The following MYL6 variants were observed in gnomAD, a reference collection of about 807,000 sequenced individuals.
MYL6 encodes myosin light chain 6.
A neutral mutation model predicts 20.3 loss-of-function variants in MYL6; 20 were observed. That is an observed-to-expected ratio of 0.98 (90% CI 0.69 to 1.43). The LOEUF (loss-of-function observed/expected upper bound fraction) is 1.43. MYL6 is among the 40% of genes most tolerant of loss of function. The pLI is 0.00. For synonymous variants in MYL6, 77 were observed against 72.4 expected (o/e 1.06, Z -0.32); for missense variants, 164 against 191.0 (o/e 0.86, Z 0.83).
rs1259470797 is a variant in MYL6 at position 56,160,233 on chromosome 12, C to T, written c.350-10C>T. On this transcript the variant is annotated splice_polypyrimidine_tract_variant and intron_variant, in intron 4 of 6. Coordinates refer to ENST00000550697, the MANE Select transcript of MYL6 (RefSeq NM_021019.5). ...ACCCAATTCCAAAAATGCTTTCTTT[C>T]CCCCTGCAGGTGAGAAGATGACAGA... The T allele has an allele frequency of 6.2e-7, 1 of 1,614,064 alleles. No individual in the cohort carries two copies. The highest frequency in any genetic ancestry group is 1.1e-5 in the South Asian group (1 of 91,078).
intron 5 of MYL6, 40 bp from the exon 6 acceptor site, chr12:56,160,586 T>C: frequency 6.2e-7 from 1 of 1,610,924 alleles, no homozygotes; most frequent in Non-Finnish European, 8.5e-7. Flanking sequence ...CCCCATGTCT[T>C]TGTCTTGTCT....
intron 2 of MYL6, chr12:56,159,256 ACTTC>A: frequency 3.2e-6 from 1 of 315,364 alleles, no homozygotes; most frequent in Non-Finnish European, 5.9e-6. Context: ...TGCTGCTCCC[ACTTC>A]CTTATAAGGA....
chr12:56,158,979 G>A (rs943787210), intron 2 of MYL6: 5 of 1,369,644 alleles, frequency 3.7e-6, no homozygotes, highest in Non-Finnish European at 4.7e-6. Flanking sequence ...CCTGCTGTGT[G>A]TGGGGTCTCG....
At position 56,158,735 on chromosome 12, in the gene MYL6, G is replaced by A. The variant is rs369791358; in HGVS notation, c.31+24G>A. 5 of 1,613,340 alleles carry A rather than the reference G, an allele frequency of 3.1e-6. No homozygotes were observed. The African/African-American group carries it at 4.0e-5, about 13-fold the overall frequency. On this transcript the variant is annotated intron_variant, in intron 2 of 6. Transcript: ENST00000550697. ...AGGTAGGTTATCTCTGATCCCTACC[G>A]AGGTCACCCTTAGGGAGAGGGACAC...
At chr12:56,158,869 C>T (rs989460645) in intron 2 of MYL6, 158 bp downstream of exon 2, 15 of 1,470,230 alleles carry the variant, frequency 1.0e-5, no homozygotes, top group African/African-American at 1.4e-5. Flanking sequence ...ATTTTCTTTT[C>T]TCACTTTCTT....
chr12:56,159,288 G>A (rs1324427747), intron 2 of MYL6: 6 of 374,980 alleles, frequency 1.6e-5, no homozygotes, highest in South Asian at 3.5e-5. Context: ...GAGACTGGGC[G>A]GTGGCGAATT....
chr12:56,160,491 G>T, intron 5 of MYL6, 135 bp from the exon 6 acceptor site: 1 of 1,410,376 alleles, frequency 7.1e-7, no homozygotes, highest in South Asian at 1.2e-5. Context: ...GGTATAACAG[G>T]AAAGGAAGGG....
At chr12:56,159,272 A>T in intron 2 of MYL6, 1 of 355,760 alleles carries the variant, frequency 2.8e-6, no homozygotes, top group Non-Finnish European at 5.2e-6. Flanking sequence ...TTATAAGGAC[A>T]GGACTGAGAC....
At chr12:56,160,415 CAA>C in intron 5 of MYL6, 95 bp downstream of exon 5, 2 of 1,554,082 alleles carry the variant, frequency 1.3e-6, no homozygotes, top group Non-Finnish European at 1.8e-6. Flanking sequence ...ACTTGGGCTC[CAA>C]AAAGAGCCAG....
At chr12:56,160,920 ACT>A (rs1053931070) in intron 6 of MYL6, 2 of 586,360 alleles carry the variant, frequency 3.4e-6, no homozygotes, top group African/African-American at 3.8e-5. Context: ...GTGTCTGGGA[ACT>A]CTCACCAGCC....
intron 2 of MYL6, chr12:56,158,988 C>T (rs2136912810): frequency 3.7e-6 from 5 of 1,334,728 alleles, no homozygotes; most frequent in South Asian, 3.5e-5. Context: ...TGTGGGGTCT[C>T]GGGAGGGTGT....
chr12:56,158,667 C>T lies in MYL6; in HGVS notation c.4-17C>T. On this transcript the variant is annotated splice_polypyrimidine_tract_variant and intron_variant, in intron 1 of 6. Transcript: ENST00000550697. Reference sequence around the variant, plus strand: ...ATTGGCGTTCAGATGCTGACCACTTCCCTCTTCTCTGAGCAGTGTGACTTC... The same window carrying T: ...ATTGGCGTTCAGATGCTGACCACTTTCCTCTTCTCTGAGCAGTGTGACTTC... 1 of 1,614,120 alleles carries T rather than the reference C, an allele frequency of 6.2e-7. No homozygotes were observed. Among genetic ancestry groups the T allele is most frequent in the African/African-American group, 1.3e-5 (1 of 75,018 alleles).
In MYL6 at chr12:56,159,030, T is replaced by TC. The variant is rs1565883132; in HGVS notation, c.31+320dup. On this transcript the variant is annotated intron_variant, in intron 2 of 6. Coordinates refer to ENST00000550697, the MANE Select transcript of MYL6 (RefSeq NM_021019.5). The stretch of plus-strand genomic sequence containing the variant: ...CTGCCTGCTTTCCTTTGTCCTTTAA[T>TC]CAGCTACTTCTGCCTCTTTTCTCCT... 5 of 972,148 alleles carry TC rather than the reference T, an allele frequency of 5.1e-6. No individual in the cohort carries two copies. In the South Asian group the frequency reaches 1.0e-4, roughly 20 times the overall value. The allele number at this position is 972,148 out of a possible 1,614,324, so 60.2% of individuals were successfully genotyped here. A position where few individuals can be genotyped will look rare whatever the true frequency, so the allele number is the denominator to read the frequency against.
intron 2 of MYL6, chr12:56,159,161 A>C (rs989407186): frequency 1.3e-5 from 4 of 301,860 alleles, no homozygotes; most frequent in Non-Finnish European, 2.5e-5. Context: ...TTTGCTAAGG[A>C]TATGACTGTA....
At position 56,160,415 on chromosome 12, in the gene MYL6, CA is replaced by C. The variant is rs1871681896; in HGVS notation, c.427+100del. ...TTTCCCTATCCCTGGACTTGGGCTCCAAAAAGAGCCAGGAGGCAAGGTGCAG... is the reference window on the plus strand; with the variant it reads ...TTTCCCTATCCCTGGACTTGGGCTCCAAAAGAGCCAGGAGGCAAGGTGCAG... On this transcript the variant is annotated intron_variant, in intron 5 of 6. Transcript: ENST00000550697. 4.2e-5 allele frequency: 65 copies of C among 1,554,082 alleles called. No homozygotes were observed. In the South Asian group the frequency reaches 6.9e-4, roughly 16 times the overall value.
Position 56,161,495 on chromosome 12 carries a change from T to C in MYL6, c.*125T>C, listed in dbSNP as rs1592263883. The C allele has an allele frequency of 5.2e-6, 8 of 1,528,788 alleles. No homozygotes were observed. The East Asian group carries it at 1.8e-4, about 34-fold the overall frequency. The allele number at this position is 1,528,788 out of a possible 1,614,324, so 94.7% of individuals were successfully genotyped here. Reference sequence around the variant, plus strand: ...TAGCCTAAAGTTTCCCTAGGCTTTCTTGTCTCAGCAACTTTCCCATCTTGT... The same window carrying C: ...TAGCCTAAAGTTTCCCTAGGCTTTCCTGTCTCAGCAACTTTCCCATCTTGT... On this transcript the variant is annotated 3_prime_UTR_variant, in exon 7 of 7. Coordinates refer to ENST00000550697, the MANE Select transcript of MYL6 (RefSeq NM_021019.5).
intron 6 of MYL6, 100 bp from the exon 7 acceptor site, chr12:56,161,287 T>C: frequency 6.8e-7 from 1 of 1,460,966 alleles, no homozygotes; most frequent in Non-Finnish European, 9.6e-7. Flanking sequence ...TGTGGGCATG[T>C]TCCCGCTTAT....
intron 2 of MYL6, chr12:56,159,109 A>T (rs1025140690): frequency 2.6e-6 from 1 of 388,050 alleles, no homozygotes; most frequent in African/African-American, 2.1e-5. Flanking sequence ...ATTGTAGAGC[A>T]GTGACCTGAT....
intron 6 of MYL6, 33 bp from the exon 7 acceptor site, chr12:56,161,354 T>G: frequency 6.2e-7 from 1 of 1,614,012 alleles, no homozygotes; most frequent in South Asian, 1.1e-5. Flanking sequence ...CACAGCCCTG[T>G]TCCCTGGCTC....
Sources: allele counts gnomAD v4.1 joint callset, GRCh38; gene constraint gnomAD v4.1.1; transcripts MANE v1.5; gene names NCBI Gene and HGNC (gene_info 2026-07-23, HGNC 2026-07-21).